BEND7: variants seen among roughly 807,000 people sequenced by gnomAD.
BEND7 encodes BEN domain containing 7.
In BEND7, 28 loss-of-function variants were observed where a neutral mutation model predicts 50.9. The ratio of observed to expected loss-of-function variants is 0.55; its 90% CI spans 0.41 to 0.75. The LOEUF (loss-of-function observed/expected upper bound fraction) is 0.75, where lower values mean the gene tolerates loss of function less well. Among genes scored for constraint, BEND7 ranks in the 30% least tolerant of loss-of-function variants. The pLI, the probability that BEND7 is intolerant of heterozygous loss-of-function variation, is 0.00. For synonymous variants in BEND7, 170 were observed against 183.9 expected, an observed-to-expected ratio of 0.92 and a Z score of 0.61; for missense variants, 477 against 491.3, an observed-to-expected ratio of 0.97 and a Z score of 0.28.
At chr10:13,471,285 A>G (rs902631704) in intron 6 of BEND7, among the ~76,000 whole-genome samples, 5 of 152,222 alleles carry the variant, frequency 3.3e-5, no homozygotes, top group Non-Finnish European at 7.3e-5. Context: ...ATGCCTGCTG[A>G]TGATTTCTAG....
At chr10:13,485,842 T>C (rs932862882) in intron 5 of BEND7, among the ~76,000 whole-genome samples, 1 of 152,218 alleles carries the variant, frequency 6.6e-6, no homozygotes, top group African/African-American at 2.4e-5. Context: ...CAGGTGGACA[T>C]AGCAAGAATC....
downstream of BEND7, among the ~76,000 whole-genome samples, chr10:13,439,690 G>A: frequency 6.6e-6 from 1 of 152,178 alleles, no homozygotes; most frequent in East Asian, 1.9e-4. Context: ...CTCAGGCGTG[G>A]CTTTGTGGGT....
chr10:13,452,694 A>T, intron 6 of BEND7, 36 bp from the exon 7 acceptor site: 1 of 1,529,218 alleles, frequency 6.5e-7, no homozygotes, highest in Non-Finnish European at 8.9e-7. Flanking sequence ...AAATACCTTA[A>T]CAAGTAAAAT....
chr10:13,498,402 T>C (rs1343917833), intron 3 of BEND7, among the ~76,000 whole-genome samples: 3 of 152,148 alleles, frequency 2.0e-5, no homozygotes, highest in Non-Finnish European at 2.9e-5. Flanking sequence ...ACATAAAATA[T>C]CTATTTTCAA....
In BEND7 at chr10:13,492,833, G is replaced by T. The variant is rs758706479; in HGVS notation, c.615C>A (p.Cys205Ter). ...NRQQPPISLICSQRTAVSRKR... is the reference protein window; with the variant it reads ...NRQQPPISLI ...TTCGTGAGACAGCAGTTCGCTGGGA[G>T]CATATAAGGGAAATTGGAGGTTGTT... Residue 205 changes from cysteine to a stop codon, truncating the protein, a stop_gained, in exon 5 of 9, where the codon TGC becomes TGA. Coordinates refer to ENST00000466271, the MANE Select transcript of BEND7 (RefSeq NM_001369863.1). LOFTEE classifies it high-confidence loss of function. The T allele has an allele frequency of 6.2e-7, 1 of 1,602,680 alleles. No homozygotes were observed. Among genetic ancestry groups the T allele is most frequent in the Non-Finnish European group, 8.5e-7 (1 of 1,177,516 alleles).
At chr10:13,483,526 G>A (rs1057004291) in intron 5 of BEND7, among the ~76,000 whole-genome samples, 6 of 152,182 alleles carry the variant, frequency 3.9e-5, no homozygotes, top group Admixed American at 2.6e-4. Flanking sequence ...TTGATTCACA[G>A]ATCTTTTATC....
At chr10:13,454,137 T>C (rs1838400482) in intron 6 of BEND7, among the ~76,000 whole-genome samples, 1 of 152,176 alleles carries the variant, frequency 6.6e-6, no homozygotes. Context: ...ATTGTTTGGT[T>C]AATCACATGA....
intron 3 of BEND7, among the ~76,000 whole-genome samples, chr10:13,497,681 A>G (rs1032419455): frequency 1.3e-5 from 2 of 152,148 alleles, no homozygotes; most frequent in African/African-American, 4.8e-5. Flanking sequence ...TATTGTCCTT[A>G]GAATAAAATG....
At chr10:13,519,288 T>C (rs941763628) in intron 2 of BEND7, among the ~76,000 whole-genome samples, 4 of 151,948 alleles carry the variant, frequency 2.6e-5, no homozygotes, top group African/African-American at 9.7e-5. Context: ...CTGGCTAACA[T>C]GGTGAAACCC....
intron 2 of BEND7, among the ~76,000 whole-genome samples, chr10:13,503,389 G>T (rs867327290): frequency 2.0e-5 from 3 of 152,180 alleles, no homozygotes; most frequent in African/African-American, 7.2e-5. Flanking sequence ...TCACGGCCTA[G>T]CTCACTGTGG....
chr10:13,487,388 C>CT (rs930230162), intron 5 of BEND7, among the ~76,000 whole-genome samples: 74,972 of 122,634 alleles, frequency 0.61, 20,682 homozygotes, highest in East Asian at 0.79. Flanking sequence ...CTTTTCTTTT[C>CT]TTTTTTTTTT....
Position 13,492,782 on chromosome 10 carries a change from G to A in BEND7, c.666C>T (p.Pro222=), listed in dbSNP as rs775086851. 10 of 1,608,912 alleles carry A rather than the reference G, an allele frequency of 6.2e-6. No individual in the cohort carries two copies. In the East Asian group the frequency reaches 1.3e-4, roughly 22 times the overall value. ...SRKRNKKKKV[P]PKTVEPLTVK... ...CAGTAAGAGGTTCCACAGTCTTTGG[G>A]GGCACTTTTTTCTTTTTATTTCTCT... The change falls in exon 5 of 9, where the codon CCC becomes CCT. Residue 222 remains proline, a synonymous_variant. Coordinates refer to ENST00000466271, the MANE Select transcript of BEND7 (RefSeq NM_001369863.1).
At chr10:13,473,494 C>T (rs1193042971) in intron 6 of BEND7, among the ~76,000 whole-genome samples, 2 of 147,438 alleles carry the variant, frequency 1.4e-5, no homozygotes, top group African/African-American at 5.1e-5. Context: ...TATCTGTCAT[C>T]GCTGTTAGAC....
rs1369060712 is a variant in BEND7, at chr10:13,452,623, C to T, written c.1099G>A (p.Asp367Asn). The change falls in exon 7 of 9, where the codon GAT becomes AAT. Residue 367 changes from aspartate (D) to asparagine (N), a missense_variant. Asp to Asn is a conservative substitution (Grantham distance 23, BLOSUM62 1). Coordinates refer to ENST00000466271, the MANE Select transcript of BEND7 (RefSeq NM_001369863.1). ...TEKYCTANHVDKLPGPRDWVQ... is the reference protein window; with the variant it reads ...TEKYCTANHVNKLPGPRDWVQ... ...CAATCTCTTGGGCCAGGAAGCTTAT[C>T]CACATGGTTAGCTGTACAGTACTTT... 3 of 1,612,682 alleles carry T rather than the reference C, an allele frequency of 1.9e-6. No homozygotes were observed. Among genetic ancestry groups the T allele is most frequent in the South Asian group, 1.1e-5 (1 of 90,870 alleles).
chr10:13,477,340 A>C (rs1448356500), intron 6 of BEND7, among the ~76,000 whole-genome samples: 1 of 152,202 alleles, frequency 6.6e-6, no homozygotes, highest in Non-Finnish European at 1.5e-5. Context: ...CTGTATATTT[A>C]ATATTTACAA....
At position 13,528,826 on chromosome 10, in the gene BEND7, G is replaced by C. The variant is rs1484903956; in HGVS notation, c.-293C>G. The C allele has an allele frequency of 6.9e-6, 1 of 144,696 alleles. No individual in the cohort carries two copies. Among genetic ancestry groups the C allele is most frequent in the Non-Finnish European group, 1.5e-5 (1 of 65,328 alleles). 9.0% of individuals were successfully genotyped at this position (144,696 alleles called of 1,614,324 possible). On this transcript the variant is annotated 5_prime_UTR_variant, in exon 1 of 9. Transcript: ENST00000466271. ...CCGCGGCCCCCGCTCATGCCGGCCC[G>C]CGGGTTCCAGACGCCGCCCGCCGCA...
chr10:13,446,892 G>A, intron 8 of BEND7: 1 of 287,150 alleles, frequency 3.5e-6, no homozygotes, highest in Non-Finnish European at 6.6e-6. Flanking sequence ...AGGTGGGAGA[G>A]GACAGCCTAG....
chr10:13,494,420 C>CAAAAACAAAAACA (rs2076895066), intron 4 of BEND7, among the ~76,000 whole-genome samples: 1 of 152,076 alleles, frequency 6.6e-6, no homozygotes, highest in African/African-American at 2.4e-5. Flanking sequence ...TGTCTCAAAA[C>CAAAAACAAAAACA]AAAAACAAAA....
chr10:13,483,096 A>G (rs1483743322), intron 5 of BEND7, among the ~76,000 whole-genome samples: 1 of 152,124 alleles, frequency 6.6e-6, no homozygotes, highest in Non-Finnish European at 1.5e-5. Flanking sequence ...GCAGCTAATC[A>G]CAGCTATTTG....
Sources: gnomAD v4.1 joint callset for allele counts (sites outside exome capture counted in the v4.1 genomes callset) on GRCh38, gnomAD v4.1.1 for gene constraint, MANE v1.5 for transcripts, NCBI Gene and HGNC (gene_info 2026-07-23, HGNC 2026-07-21) for gene names.